The following SCAF11 variants were observed in gnomAD, a reference collection of about 807,000 sequenced individuals.
SCAF11 encodes the protein SR-related CTD associated factor 11.
In SCAF11, 47 loss-of-function variants were observed where a neutral mutation model predicts 140.5. The ratio of observed to expected loss-of-function variants is 0.33; its 90% CI spans 0.26 to 0.43. The LOEUF is 0.43. SCAF11 is among the 20% of genes least tolerant of loss of function. The pLI is 1.00. For missense variants in SCAF11, 1,645 were observed against 1,705.1 expected (o/e 0.96, Z 0.62); for synonymous variants, 557 against 579.4 (o/e 0.96, Z 0.55).
rs1049461612 is a variant in SCAF11 at position 45,928,568 on chromosome 12, C to T, written c.1133G>A (p.Arg378Lys). Residue 378 changes from arginine to lysine, a missense_variant, in exon 11 of 15, where the codon AGA becomes AAA. Coordinates refer to ENST00000369367, the MANE Select transcript of SCAF11 (RefSeq NM_004719.3). ...TRQAPKRKSV[R>K]RGRKPPLLKK... ...CAGTAAAGGTGGTTTTCTTCCTCTT[C>T]TTACAGACTTCCGTTTTGGAGCCTG... The T allele has an allele frequency of 6.2e-7, 1 of 1,614,156 alleles. No homozygotes were observed.
intron 14 of SCAF11, 30 bp downstream of exon 14, chr12:45,922,433 T>C: frequency 6.3e-7 from 1 of 1,591,360 alleles, no homozygotes; most frequent in Non-Finnish European, 8.5e-7. Context: ...CAAAACAACG[T>C]GCACATACTC....
intron 10 of SCAF11, chr12:45,929,313 A>G (rs920993666): frequency 1.3e-5 from 2 of 152,726 alleles, no homozygotes; most frequent in African/African-American, 4.8e-5. Context: ...ATGCACTACC[A>G]TGCCCAGCTA....
Position 45,928,310 on chromosome 12 carries a change from T to A in SCAF11, c.1391A>T (p.Tyr464Phe). The A allele has an allele frequency of 6.2e-7, 1 of 1,614,020 alleles. No individual in the cohort carries two copies. Among genetic ancestry groups the A allele is most frequent in the Non-Finnish European group, 8.5e-7 (1 of 1,179,982 alleles). The change falls in exon 11 of 15, where the codon TAT becomes TTT. Residue 464 changes from tyrosine (Y) to phenylalanine (F), a missense_variant. Transcript: ENST00000369367. ...AGATCCTACTCTTTCCTCTGTATCA[T>A]AATTTGCAGTATGCTTCTCACTTTC... ...IEESEKHTANYDTEERVGSSS... is the reference protein window; with the variant it reads ...IEESEKHTANFDTEERVGSSS...
chr12:45,924,878 C>T lies in SCAF11; in HGVS notation c.3756G>A (p.Gln1252=), dbSNP rs775889521. The T allele has an allele frequency of 2.5e-6, 4 of 1,614,010 alleles. No individual in the cohort carries two copies. The highest frequency in any genetic ancestry group is 1.7e-5 in the Admixed American group (1 of 60,002). Reference sequence around the variant, plus strand: ...CTCCTGTGTGGAGATGCAAGGGTAGCTGAGGATGAATGTTAAATGGATTGC... The same window carrying T: ...CTCCTGTGTGGAGATGCAAGGGTAGTTGAGGATGAATGTTAAATGGATTGC... ...IQRNPFNIHP[Q]LPLHLHTGVP... Residue 1252 remains glutamine (Q), a synonymous_variant, in exon 12 of 15, where the codon CAG becomes CAA. Transcript: ENST00000369367.
chr12:45,959,465 C>A (rs1167282683), intron 3 of SCAF11, among the ~76,000 whole-genome samples: 1 of 152,130 alleles, frequency 6.6e-6, no homozygotes, highest in African/African-American at 2.4e-5. Flanking sequence ...ACAGCCTAGG[C>A]ATAAGGCATG....
intron 1 of SCAF11, among the ~76,000 whole-genome samples, chr12:45,965,357 G>C (rs1235164020): frequency 6.6e-6 from 1 of 152,188 alleles, no homozygotes; most frequent in Non-Finnish European, 1.5e-5. Flanking sequence ...TACAGTGAAG[G>C]AGACAATATC....
chr12:45,950,452 T>C (rs1027268510), intron 4 of SCAF11, among the ~76,000 whole-genome samples: 48 of 152,166 alleles, frequency 3.2e-4, no homozygotes, highest in African/African-American at 1.1e-3. Context: ...TCAAATAAAT[T>C]TTATTCTAAG....
At position 45,929,206 on chromosome 12, in the gene SCAF11, C is replaced by T. The variant is rs189627631; in HGVS notation, c.842-347G>A. 290 of 159,998 alleles carry T rather than the reference C, an allele frequency of 1.8e-3. 1 individual carries two copies. Among genetic ancestry groups the T allele is most frequent in the African/African-American group, 6.7e-3 (275 of 41,240 alleles). 9.9% of individuals were successfully genotyped at this position (159,998 alleles called of 1,614,324 possible). ...TGTCACCCAGGCTGGAGTGCAATGG[C>T]GTGATCACTGGAGCAATCATCGCGC... is the stretch of plus-strand genomic sequence containing the variant. On this transcript the variant is annotated intron_variant, in intron 10 of 14. Coordinates refer to ENST00000369367, the MANE Select transcript of SCAF11 (RefSeq NM_004719.3).
rs1555163876 is a variant in SCAF11, at chr12:45,920,190, A to C, written c.*1858T>G. On this transcript the variant is annotated 3_prime_UTR_variant, in exon 15 of 15. Transcript: ENST00000369367. ...TAAAGGTCAAAAACTGCTTGGAAAT[A>C]TTTTTATGATTACACTCATAACAAC... 6.6e-6 allele frequency: 1 copy of C among 152,210 alleles called. No individual in the cohort carries two copies. The highest frequency in any genetic ancestry group is 1.5e-5 in the Non-Finnish European group (1 of 68,018). 9.4% of individuals were successfully genotyped at this position (152,210 alleles called of 1,614,324 possible).
Position 45,931,557 on chromosome 12 carries a change from C to G in SCAF11, c.790G>C (p.Val264Leu). ...GTTGGAAAAATAGTTCTTGGCAACA[C>G]AGAAGAAATGAGAGGAAGGACTTCT... ...ETEVLPLISS[V>L]LPRTIFPTST... The change falls in exon 10 of 15, where the codon GTG (valine) becomes CTG (leucine). Residue 264 changes from valine (V) to leucine (L), a missense_variant. Val to Leu is a conservative substitution (Grantham distance 32). This residue lies in a region of SCAF11 where 1,582 missense variants were observed against 1,609.2 expected (regional missense o/e 0.98). Transcript: ENST00000369367. 2 of 1,524,986 alleles carry G rather than the reference C, an allele frequency of 1.3e-6. No individual in the cohort carries two copies. Among genetic ancestry groups the G allele is most frequent in the Non-Finnish European group, 1.8e-6 (2 of 1,142,604 alleles). The allele number at this position is 1,524,986 out of a possible 1,614,324, so 94.5% of individuals were successfully genotyped here. A position where few individuals can be genotyped will look rare whatever the true frequency, so the allele number is the denominator to read the frequency against.
Position 45,961,862 on chromosome 12 carries a change from T to TA in SCAF11, c.62-6dup. The TA allele has an allele frequency of 6.3e-7, 1 of 1,596,420 alleles. No individual in the cohort carries two copies. Among genetic ancestry groups the TA allele is most frequent in the Admixed American group, 1.8e-5 (1 of 57,032 alleles). On this transcript the variant is annotated splice_polypyrimidine_tract_variant and splice_region_variant and intron_variant, in intron 2 of 14. Transcript: ENST00000369367. ...TATTATCTCCGTTTTCTTCACCTGT[T>TA]AAAGTAAAACAGCCATATGTGCTTT... is the stretch of plus-strand genomic sequence containing the variant.
chr12:45,937,085 A>G (rs1421153059), intron 6 of SCAF11, among the ~76,000 whole-genome samples: 1 of 151,946 alleles, frequency 6.6e-6, no homozygotes, highest in Non-Finnish European at 1.5e-5. Flanking sequence ...TTATTTCTTC[A>G]TATCTGGACA....
At chr12:45,974,876 T>G (rs965340911) in intron 1 of SCAF11, 2 of 152,474 alleles carry the variant, frequency 1.3e-5, no homozygotes, top group African/African-American at 4.8e-5. Flanking sequence ...AATCACTGTC[T>G]GAAGCAGCTG....
At chr12:45,989,950 G>T (rs761877972) in intron 1 of SCAF11, among the ~76,000 whole-genome samples, 12 of 152,208 alleles carry the variant, frequency 7.9e-5, no homozygotes, top group Non-Finnish European at 2.9e-5. Context: ...GAGGGTGTCT[G>T]TGGCGGTTCT....
chr12:45,971,311 T>C (rs527884037), intron 1 of SCAF11, among the ~76,000 whole-genome samples: 24 of 152,282 alleles, frequency 1.6e-4, no homozygotes, highest in Non-Finnish European at 2.9e-4. Context: ...TTCCAAAATA[T>C]ATCAAAAGTG....
intron 1 of SCAF11, among the ~76,000 whole-genome samples, chr12:45,978,559 T>C (rs1946285706): frequency 1.3e-5 from 2 of 152,174 alleles, no homozygotes; most frequent in South Asian, 4.1e-4. Context: ...CCAAGAAGAC[T>C]ACAGGAGCAC....
chr12:45,951,701 A>G lies in SCAF11; in HGVS notation c.246T>C (p.Arg82=), dbSNP rs756931787. Residue 82 remains arginine (R), a synonymous_variant, in exon 4 of 15, where the codon CGT becomes CGC. Coordinates refer to ENST00000369367, the MANE Select transcript of SCAF11 (RefSeq NM_004719.3). ...ATTTAAACACTGCCTGAAAAGGTTT[A>G]CGGTCAATAGGACATGAAGCCAGTG... ...AETLASCPID[R]KPFQAVFKFS... 1 of 1,592,944 alleles carries G rather than the reference A, an allele frequency of 6.3e-7. No homozygotes were observed. The highest frequency in any genetic ancestry group is 8.6e-7 in the Non-Finnish European group (1 of 1,166,638).
At chr12:45,941,944 T>C (rs1429541453) in intron 6 of SCAF11, among the ~76,000 whole-genome samples, 2 of 152,194 alleles carry the variant, frequency 1.3e-5, no homozygotes, top group Non-Finnish European at 2.9e-5. Context: ...CAACCCCTTC[T>C]CTTCCTTAGC....
intron 12 of SCAF11, 82 bp downstream of exon 12, chr12:45,924,646 T>C (rs1944802819): frequency 2.8e-6 from 3 of 1,071,508 alleles, no homozygotes; most frequent in Non-Finnish European, 4.0e-6. Context: ...AATGCCAGGA[T>C]GCCTTTTTTT....
Sources: gnomAD v4.1 joint callset for allele counts (sites outside exome capture counted in the v4.1 genomes callset) on GRCh38, gnomAD v4.1.1 for gene constraint, gnomAD v4.1.1 regional missense constraint, MANE v1.5 for transcripts, NCBI Gene and HGNC (gene_info 2026-07-23, HGNC 2026-07-21) for gene names.